The following PPARGC1A variants were observed in gnomAD, a reference collection of about 807,000 sequenced individuals.
PPARGC1A encodes the protein PPARG coactivator 1 alpha, also known as peroxisome proliferator-activated receptor gamma coactivator 1-alpha.
In PPARGC1A, 25 loss-of-function variants were observed where a neutral mutation model predicts 88.7. That is an observed-to-expected ratio of 0.28 (90% CI 0.21 to 0.39). The LOEUF (loss-of-function observed/expected upper bound fraction) is 0.39. Ranked by LOEUF, PPARGC1A falls within the 10% of genes least tolerant of loss-of-function variation. PPARGC1A has a pLI of 1.00. For missense variants in PPARGC1A, 880 were observed against 968.7 expected (o/e 0.91, Z 1.22); for synonymous variants, 363 against 355.6 (o/e 1.02, Z -0.24).
intron 5 of PPARGC1A, among the ~76,000 whole-genome samples, chr4:23,826,064 G>A (rs1056613064): frequency 6.6e-6 from 1 of 152,112 alleles, no homozygotes; most frequent in African/African-American, 2.4e-5. Context: ...AAGAGGTAGG[G>A]TAGGCTATTT....
the PPARGC1A span, among the ~76,000 whole-genome samples, chr4:24,044,427 A>C: frequency 6.6e-6 from 1 of 152,012 alleles, no homozygotes; most frequent in African/African-American, 2.4e-5. Flanking sequence ...CAGCATCATT[A>C]GTCAAAATCA....
At chr4:24,399,779 C>T in the PPARGC1A span, among the ~76,000 whole-genome samples, 1 of 151,434 alleles carries the variant, frequency 6.6e-6, no homozygotes, top group African/African-American at 2.4e-5. Flanking sequence ...ACATTTACAC[C>T]AAAGGAATCT....
At chr4:24,214,087 C>T in the PPARGC1A span, among the ~76,000 whole-genome samples, 6 of 152,288 alleles carry the variant, frequency 3.9e-5, no homozygotes, top group Non-Finnish European at 7.4e-5. Flanking sequence ...ACAATTTCCT[C>T]CCAATCTGGA....
chr4:24,020,545 A>G, the PPARGC1A span, among the ~76,000 whole-genome samples: 1 of 152,180 alleles, frequency 6.6e-6, no homozygotes, highest in Non-Finnish European at 1.5e-5. Context: ...AATGCTTCAC[A>G]GGTTTAAGCA....
the PPARGC1A span, among the ~76,000 whole-genome samples, chr4:24,421,411 C>T: frequency 2.0e-5 from 3 of 151,400 alleles, no homozygotes; most frequent in African/African-American, 4.9e-5. Flanking sequence ...CCCGGGTTCA[C>T]GCCCTTCTCC....
At chr4:24,001,735 A>C in the PPARGC1A span, among the ~76,000 whole-genome samples, 4 of 152,050 alleles carry the variant, frequency 2.6e-5, no homozygotes, top group African/African-American at 9.7e-5. Flanking sequence ...CTCCTTCAGG[A>C]GCTTTAACTG....
the PPARGC1A span, among the ~76,000 whole-genome samples, chr4:24,469,802 C>A: frequency 6.6e-6 from 1 of 152,120 alleles, no homozygotes; most frequent in Admixed American, 6.5e-5. Flanking sequence ...AAAACGCCCC[C>A]CTCCGCAAAT....
the PPARGC1A span, among the ~76,000 whole-genome samples, chr4:24,013,407 T>G: frequency 3.9e-5 from 6 of 152,102 alleles, no homozygotes; most frequent in Non-Finnish European, 7.4e-5. Flanking sequence ...CCTATTTCCC[T>G]AGGCACAGTT....
At chr4:23,840,116 C>G (rs964343874) in intron 2 of PPARGC1A, among the ~76,000 whole-genome samples, 1 of 152,040 alleles carries the variant, frequency 6.6e-6, no homozygotes, top group Non-Finnish European at 1.5e-5. Context: ...CTGACCAAAC[C>G]CTCCGTGGCT....
At chr4:23,847,303 C>T (rs1411108170) in intron 2 of PPARGC1A, among the ~76,000 whole-genome samples, 1 of 152,184 alleles carries the variant, frequency 6.6e-6, no homozygotes, top group Non-Finnish European at 1.5e-5. Flanking sequence ...ACATGTGCCA[C>T]AGAACATGAT....
chr4:24,228,470 C>A, the PPARGC1A span, among the ~76,000 whole-genome samples: 1 of 152,060 alleles, frequency 6.6e-6, no homozygotes, highest in African/African-American at 2.4e-5. Context: ...AAGTTGGCAA[C>A]AATGGACACT....
At chr4:23,910,890 A>AGGGT in the PPARGC1A span, among the ~76,000 whole-genome samples, 1 of 152,126 alleles carries the variant, frequency 6.6e-6, no homozygotes, top group Non-Finnish European at 1.5e-5. Flanking sequence ...ACATGCAGGA[A>AGGGT]GGGTGACACT....
the PPARGC1A span, among the ~76,000 whole-genome samples, chr4:24,307,487 T>C: frequency 4.6e-5 from 7 of 152,204 alleles, no homozygotes; most frequent in African/African-American, 1.7e-4. Context: ...TGGCATTGTG[T>C]TGAGCACTCT....
chr4:23,961,235 TAATCTCCCTCTGACC>T, the PPARGC1A span, among the ~76,000 whole-genome samples: 1 of 152,252 alleles, frequency 6.6e-6, no homozygotes, highest in South Asian at 2.1e-4. Context: ...GATTTAGGTT[TAATCTCCCTCTGACC>T]AAAATTTCAC....
the PPARGC1A span, among the ~76,000 whole-genome samples, chr4:24,145,384 T>G: frequency 6.6e-6 from 1 of 152,204 alleles, no homozygotes; most frequent in Non-Finnish European, 1.5e-5. Context: ...CAACAGATAA[T>G]AGTTGATAAC....
At chr4:23,857,674 C>T (rs1056885887) in intron 2 of PPARGC1A, among the ~76,000 whole-genome samples, 54 of 151,714 alleles carry the variant, frequency 3.6e-4, no homozygotes, top group African/African-American at 1.2e-3. Context: ...GTAAATGCAC[C>T]ACACTTTCCT....
At chr4:24,104,057 T>G in the PPARGC1A span, among the ~76,000 whole-genome samples, 1 of 152,176 alleles carries the variant, frequency 6.6e-6, no homozygotes, top group Non-Finnish European at 1.5e-5. Flanking sequence ...TCACAGGTAT[T>G]AAAAATAGAC....
chr4:24,141,820 A>G, the PPARGC1A span, among the ~76,000 whole-genome samples: 1 of 152,198 alleles, frequency 6.6e-6, no homozygotes, highest in Admixed American at 6.5e-5. Context: ...TGAAGCAAAG[A>G]AAGAAACACT....
chr4:24,333,744 G>A, the PPARGC1A span, among the ~76,000 whole-genome samples: 1 of 151,928 alleles, frequency 6.6e-6, no homozygotes, highest in Non-Finnish European at 1.5e-5. Flanking sequence ...GACCAGCCTG[G>A]TCAACATGGT....
Sources: allele counts gnomAD v4.1 joint callset (sites outside exome capture counted in the v4.1 genomes callset), GRCh38; gene constraint gnomAD v4.1.1; transcripts MANE v1.5; gene names NCBI Gene and HGNC (gene_info 2026-07-23, HGNC 2026-07-21).